Variants in SLC7A5 observed in about 807,000 individuals in gnomAD.
SLC7A5 encodes solute carrier family 7 member 5.
In SLC7A5, 23 loss-of-function variants were observed where a neutral mutation model predicts 50.2. That is an observed-to-expected ratio of 0.46 (90% CI 0.33 to 0.65). The LOEUF (loss-of-function observed/expected upper bound fraction) is 0.65. SLC7A5 is among the 30% of genes least tolerant of loss of function. SLC7A5 has a pLI of 0.02. For synonymous variants in SLC7A5, 393 were observed against 330.6 expected (o/e 1.19, Z -2.05); for missense variants, 578 against 684.4 (o/e 0.84, Z 1.73).
chr16:87,834,511 C>A lies in SLC7A5; in HGVS notation c.1371G>T (p.Glu457Asp). The change falls in exon 9 of 10, where the codon GAG becomes GAT. Residue 457 changes from glutamate (E) to aspartate (D), a missense_variant. Around this residue, in one of 2 missense-constraint regions of SLC7A5, gnomAD observed 465 missense variants for 594.6 expected, o/e 0.78. Coordinates refer to ENST00000261622, the MANE Select transcript of SLC7A5 (RefSeq NM_003486.7). The stretch of plus-strand genomic sequence containing the variant: ...GGATGATGGTGAAGCCGATGCCACA[C>A]TCCACGGGTGTCTTCCAGAAGGAGA... ...IAVSFWKTPV[E>D]CGIGFTIILS... The A allele has an allele frequency of 1.9e-6, 3 of 1,594,100 alleles. No individual in the cohort carries two copies. Among genetic ancestry groups the A allele is most frequent in the Non-Finnish European group, 2.6e-6 (3 of 1,171,630 alleles).
In SLC7A5 at chr16:87,841,081, A is replaced by G. The variant is rs780129662; in HGVS notation, c.739T>C (p.Leu247=). The G allele has an allele frequency of 1.2e-6, 2 of 1,613,860 alleles. No homozygotes were observed. The highest frequency in any genetic ancestry group is 1.1e-5 in the South Asian group (1 of 91,082). The part of the protein sequence containing the change: ...KLDVGNIVLA[L]YSGLFAYGGW... Reference sequence around the variant, plus strand: ...CCATAGGCAAAGAGGCCGCTGTATAATGCCAGCACAATGTTCCCCACATCC... The same window carrying G: ...CCATAGGCAAAGAGGCCGCTGTATAGTGCCAGCACAATGTTCCCCACATCC... Residue 247 remains leucine (L), a synonymous_variant, in exon 3 of 10, where the codon TTA becomes CTA. Transcript: ENST00000261622. This position sits in a 1 kb window ranked among gnomAD's most constrained non-coding sequence, Gnocchi z 4.8.
At chr16:87,840,509 C>T in intron 3 of SLC7A5, 36 bp from the exon 4 acceptor site, 1 of 1,526,866 alleles carries the variant, frequency 6.5e-7, no homozygotes. Flanking sequence ...ATTATATGAT[C>T]CTCATCAGGG....
intron 2 of SLC7A5, among the ~76,000 whole-genome samples, chr16:87,844,523 C>T (rs940332191): frequency 1.3e-5 from 2 of 152,236 alleles, no homozygotes; most frequent in African/African-American, 2.4e-5. Flanking sequence ...AGTGGCCAAA[C>T]GCACGTGGGA....
In SLC7A5 at chr16:87,841,154, A is replaced by G. The variant is rs2055078762; in HGVS notation, c.666T>C (p.Gly222=). ...ILLGFVQIGK[G]DVSNLDPNFS... ...AGTTGGGATCTAGATTGGACACATC[A>G]CCTGGCAGGGCCAAAGAAAGGAATG... The change falls in exon 3 of 10, where the codon GGT becomes GGC. Residue 222 remains glycine (G), a splice_region_variant and synonymous_variant. Transcript: ENST00000261622. The surrounding 1 kb of genome is among the most constrained non-coding windows in gnomAD (Gnocchi z 4.8). 3.7e-6 allele frequency: 6 copies of G among 1,603,812 alleles called. No individual in the cohort carries two copies. The highest frequency in any genetic ancestry group is 5.1e-6 in the Non-Finnish European group (6 of 1,170,778).
intron 1 of SLC7A5, among the ~76,000 whole-genome samples, chr16:87,866,919 G>C (rs60679435): frequency 0.084 from 12,742 of 151,900 alleles, 593 homozygotes; most frequent in Non-Finnish European, 0.095. Context: ...GGAAGTCAGA[G>C]ACTCAGCACC....
At position 87,831,856 on chromosome 16, in the gene SLC7A5, A is replaced by G. The variant is rs2054938903; in HGVS notation, c.*1114T>C. 6.6e-6 allele frequency: 1 copy of G among 152,318 alleles called. No homozygotes were observed. The highest frequency in any genetic ancestry group is 2.4e-5 in the African/African-American group (1 of 41,446). 9.4% of individuals were successfully genotyped at this position (152,318 alleles called of 1,614,324 possible). A position where few individuals can be genotyped will look rare whatever the true frequency, so the allele number is the denominator to read the frequency against. The stretch of plus-strand genomic sequence containing the variant: ...CTGGGTGAGAGCCCAGGGGCCTCCA[A>G]ACGCAGGCGGCAGAGACGTGAGCAG... On this transcript the variant is annotated 3_prime_UTR_variant, in exon 10 of 10. Coordinates refer to ENST00000261622, the MANE Select transcript of SLC7A5 (RefSeq NM_003486.7).
At chr16:87,849,044 G>C (rs1339567935) in intron 2 of SLC7A5, among the ~76,000 whole-genome samples, 3 of 152,252 alleles carry the variant, frequency 2.0e-5, no homozygotes, top group Admixed American at 6.5e-5. Context: ...GTGCGGGACA[G>C]GCAGGAACAG....
rs33936442 is a variant in SLC7A5 at position 87,838,773 on chromosome 16, G to T, written c.984C>A (p.Pro328=). ...CGAAGCAGGACAGGCCCACGAAGAC[G>T]GGGATGATCCAGGACATGACGCCCA... ...YHLGVMSWII[P]VFVGLSCFGS... Residue 328 remains proline, a synonymous_variant, in exon 6 of 10, where the codon CCC becomes CCA. Transcript: ENST00000261622. The T allele has an allele frequency of 1.2e-6, 2 of 1,613,918 alleles. No homozygotes were observed. Among genetic ancestry groups the T allele is most frequent in the African/African-American group, 2.7e-5 (2 of 74,930 alleles).
At chr16:87,867,951 T>A (rs1319058453) in intron 1 of SLC7A5, among the ~76,000 whole-genome samples, 1 of 151,368 alleles carries the variant, frequency 6.6e-6, no homozygotes, top group Non-Finnish European at 1.5e-5. Flanking sequence ...CCGTCTCTAC[T>A]AAAAATACAA....
intron 1 of SLC7A5, among the ~76,000 whole-genome samples, chr16:87,857,878 G>A (rs1193962221): frequency 2.0e-5 from 3 of 152,228 alleles, no homozygotes; most frequent in Admixed American, 2.0e-4. Flanking sequence ...TGGCACGGGG[G>A]AGGAGGTGTC....
rs1256351315 is a variant in SLC7A5 at position 87,841,792 on chromosome 16, G to A, written c.665-637C>T. Among the ~76,000 whole-genome samples, 3 of 152,364 alleles carry A rather than the reference G, an allele frequency of 2.0e-5. No homozygotes were observed. In the South Asian group the frequency reaches 6.2e-4, roughly 32 times the overall value. On this transcript the variant is annotated intron_variant, in intron 2 of 9. Coordinates refer to ENST00000261622, the MANE Select transcript of SLC7A5 (RefSeq NM_003486.7). This position sits in a 1 kb window ranked among gnomAD's most constrained non-coding sequence, Gnocchi z 4.8. The stretch of plus-strand genomic sequence containing the variant: ...AGAGCTCTCTCCTTTGCCCTCTGAG[G>A]ACACGCGTCACTGGACTTCGTGACT...
At chr16:87,847,337 G>A (rs755315521) in intron 2 of SLC7A5, among the ~76,000 whole-genome samples, 1 of 152,182 alleles carries the variant, frequency 6.6e-6, no homozygotes, top group Non-Finnish European at 1.5e-5. Flanking sequence ...CTGGGGGCTG[G>A]ACGCCCCCAC....
Position 87,832,201 on chromosome 16 carries a change from G to C in SLC7A5, c.*769C>G, listed in dbSNP as rs1358215469. 4 of 152,302 alleles carry C rather than the reference G, an allele frequency of 2.6e-5. No individual in the cohort carries two copies. Among genetic ancestry groups the C allele is most frequent in the Non-Finnish European group, 4.4e-5 (3 of 68,116 alleles). The allele number at this position is 152,302 out of a possible 1,614,324, so 9.4% of individuals were successfully genotyped here. ...AACCAGAACTCAGCCTCCAAAACTG[G>C]ACACAGAAATAGCCAAGAGGCCACA... On this transcript the variant is annotated 3_prime_UTR_variant, in exon 10 of 10. Transcript: ENST00000261622. This position sits in a 1 kb window ranked among gnomAD's most constrained non-coding sequence, Gnocchi z 4.6.
chr16:87,868,646 A>G (rs1048572153), intron 1 of SLC7A5, among the ~76,000 whole-genome samples: 35 of 152,350 alleles, frequency 2.3e-4, no homozygotes, highest in African/African-American at 8.2e-4. Flanking sequence ...ACCGAAGGGC[A>G]GGGCAGGGAC....
chr16:87,839,778 A>G lies in SLC7A5; in HGVS notation c.863T>C (p.Val288Ala). 1 of 1,613,962 alleles carries G rather than the reference A, an allele frequency of 6.2e-7. No individual in the cohort carries two copies. Among genetic ancestry groups the G allele is most frequent in the Non-Finnish European group, 8.5e-7 (1 of 1,179,982 alleles). ...IIISLPIVTL[V>A]YVLTNLAYFT... ...GTAGGCCAGGTTGGTCAGCACGTACACCAGCGTCACGATGGGCAGGGAGAT... is the reference window on the plus strand; with the variant it reads ...GTAGGCCAGGTTGGTCAGCACGTACGCCAGCGTCACGATGGGCAGGGAGAT... The change falls in exon 5 of 10, where the codon GTG (valine) becomes GCG (alanine). Residue 288 changes from valine (V) to alanine (A), a missense_variant. Around this residue, in one of 2 missense-constraint regions of SLC7A5, gnomAD observed 465 missense variants for 594.6 expected, o/e 0.78. Transcript: ENST00000261622.
At chr16:87,856,269 C>T (rs2055318942) in intron 1 of SLC7A5, among the ~76,000 whole-genome samples, 1 of 152,354 alleles carries the variant, frequency 6.6e-6, no homozygotes, top group South Asian at 2.1e-4. Flanking sequence ...AGGGCCAATG[C>T]TGGGGCTGGG....
In SLC7A5 at chr16:87,834,517, G is replaced by T. The variant is rs779856735; in HGVS notation, c.1365C>A (p.Pro455=). Residue 455 remains proline, a synonymous_variant, in exon 9 of 10, where the codon CCC becomes CCA. Transcript: ENST00000261622. The part of the protein sequence containing the change: ...FLIAVSFWKT[P]VECGIGFTII... ...TGGTGAAGCCGATGCCACACTCCAC[G>T]GGTGTCTTCCAGAAGGAGACGGCGA... 1.3e-6 allele frequency: 2 copies of T among 1,595,984 alleles called. No homozygotes were observed. Among genetic ancestry groups the T allele is most frequent in the East Asian group, 4.5e-5 (2 of 44,252 alleles).
chr16:87,837,866 G>C lies in SLC7A5; in HGVS notation c.1119C>G (p.Pro373=), dbSNP rs746525918. The C allele has an allele frequency of 6.2e-7, 1 of 1,607,084 alleles. No individual in the cohort carries two copies. The highest frequency in any genetic ancestry group is 1.7e-4 in the Middle Eastern group (1 of 6,040). The change falls in exon 7 of 10, where the codon CCC becomes CCG. Residue 373 remains proline, a synonymous_variant. Transcript: ENST00000261622. ...TTACCGTGAACACGAGGGACGGCAC[G>C]GGGGTGAGGAGCTGTGGGTGGATCA... ...LSMIHPQLLT[P]VPSLVFTCVM... is the part of the protein sequence containing the mutation.
intron 8 of SLC7A5, among the ~76,000 whole-genome samples, chr16:87,836,117 C>G (rs1019871073): frequency 6.6e-6 from 1 of 152,200 alleles, no homozygotes; most frequent in Admixed American, 6.5e-5. Flanking sequence ...CTCCTCGGGC[C>G]GGGTTCCCTG....
Sources: allele counts gnomAD v4.1 joint callset (sites outside exome capture counted in the v4.1 genomes callset), GRCh38; gene constraint gnomAD v4.1.1; regional missense constraint gnomAD v4.1.1; non-coding constraint Gnocchi (gnomAD v3.1); transcripts MANE v1.5; gene names NCBI Gene and HGNC (gene_info 2026-07-23, HGNC 2026-07-21).